DLG2: variants seen among roughly 807,000 people sequenced by gnomAD.
The protein encoded by DLG2 is disks large homolog 2.
DLG2 carries 45 observed loss-of-function variants against 132.5 expected under a neutral mutation model. The observed-to-expected ratio is 0.34, with a 90% CI of 0.27 to 0.44. The LOEUF is 0.44. Among genes scored for constraint, DLG2 ranks in the 20% least tolerant of loss-of-function variants. The pLI is 1.00. For synonymous variants in DLG2, 424 were observed against 419.6 expected, an observed-to-expected ratio of 1.01 and a Z score of -0.13; for missense variants, 1,045 against 1,196.9, an observed-to-expected ratio of 0.87 and a Z score of 1.87.
intron 6 of DLG2, among the ~76,000 whole-genome samples, chr11:84,571,691 C>A (rs537862560): frequency 1.2e-4 from 19 of 152,058 alleles, no homozygotes; most frequent in African/African-American, 4.6e-4. Flanking sequence ...TAAAAAGTTG[C>A]CAAATTCTAG....
intron 22 of DLG2, 30 bp from the exon 23 acceptor site, chr11:83,472,807 G>T: frequency 1.3e-6 from 2 of 1,588,032 alleles, no homozygotes; most frequent in South Asian, 1.1e-5. Context: ...AAACCACAGT[G>T]AACTAACAGT....
chr11:83,604,868 G>A (rs1352538320), intron 19 of DLG2, among the ~76,000 whole-genome samples: 1 of 152,126 alleles, frequency 6.6e-6, no homozygotes, highest in African/African-American at 2.4e-5. Context: ...AATTCAAAGG[G>A]TGTTAAATGA....
intron 17 of DLG2, among the ~76,000 whole-genome samples, chr11:83,801,143 C>A (rs1430643128): frequency 6.6e-6 from 1 of 152,042 alleles, no homozygotes; most frequent in Non-Finnish European, 1.5e-5. Flanking sequence ...CATTTCTTAC[C>A]CTCCCACCTC....
rs1170167908 is a variant in DLG2 at position 84,012,700 on chromosome 11, C to G, written c.920-32058G>C. Among the ~76,000 whole-genome samples, 3 of 152,074 alleles carry G rather than the reference C, an allele frequency of 2.0e-5. No individual in the cohort carries two copies. In the East Asian group the frequency reaches 5.8e-4, roughly 29 times the overall value. On this transcript the variant is annotated intron_variant, in intron 11 of 27. Transcript: ENST00000376104. ...CCGTAGAGTAGCACATGTGAATAAACAGGAGGAAAGCAGGATCAGTCAGAA... is the reference window on the plus strand; with the variant it reads ...CCGTAGAGTAGCACATGTGAATAAAGAGGAGGAAAGCAGGATCAGTCAGAA...
chr11:85,488,655 A>T (rs564325451), intron 3 of DLG2, among the ~76,000 whole-genome samples: 1 of 152,328 alleles, frequency 6.6e-6, no homozygotes, highest in East Asian at 1.9e-4. Flanking sequence ...AATAAACAAG[A>T]GTATTCCCAG....
At chr11:85,304,986 A>G (rs907179415) in intron 3 of DLG2, among the ~76,000 whole-genome samples, 1 of 152,196 alleles carries the variant, frequency 6.6e-6, no homozygotes, top group Non-Finnish European at 1.5e-5. Flanking sequence ...ATTCAACTCT[A>G]TATTACCAGA....
intron 3 of DLG2, among the ~76,000 whole-genome samples, chr11:85,331,117 A>G (rs1033737920): frequency 2.0e-5 from 3 of 152,140 alleles, no homozygotes; most frequent in Non-Finnish European, 2.9e-5. Context: ...CATTCACTTT[A>G]TTTTTTCCAA....
At chr11:84,624,534 A>G (rs2099618952) in intron 6 of DLG2, among the ~76,000 whole-genome samples, 1 of 152,084 alleles carries the variant, frequency 6.6e-6, no homozygotes, top group Non-Finnish European at 1.5e-5. Flanking sequence ...GTTCTCATAC[A>G]TTAAGCATTT....
At chr11:85,558,278 G>C (rs148637862) in intron 3 of DLG2, among the ~76,000 whole-genome samples, 1 of 151,788 alleles carries the variant, frequency 6.6e-6, no homozygotes, top group African/African-American at 2.4e-5. Context: ...AGTCAGAATG[G>C]CTATTTTTAA....
chr11:83,537,902 G>C (rs1448167986), intron 20 of DLG2, among the ~76,000 whole-genome samples: 3 of 143,654 alleles, frequency 2.1e-5, no homozygotes, highest in African/African-American at 5.2e-5. Flanking sequence ...TCTCAGAAAA[G>C]TGATTCTATG....
chr11:84,396,503 C>G (rs1056177640), intron 7 of DLG2, among the ~76,000 whole-genome samples: 3 of 152,126 alleles, frequency 2.0e-5, no homozygotes, highest in African/African-American at 7.2e-5. Context: ...GAATGAGAAC[C>G]CTTCTACTCA....
At chr11:84,584,481 G>T (rs1248416754) in intron 6 of DLG2, among the ~76,000 whole-genome samples, 1 of 151,182 alleles carries the variant, frequency 6.6e-6, no homozygotes, top group East Asian at 1.9e-4. Flanking sequence ...CAAGTAACTG[G>T]GACTACAGGT....
chr11:83,689,426 C>CT (rs1293383700), intron 18 of DLG2, among the ~76,000 whole-genome samples: 1 of 152,064 alleles, frequency 6.6e-6, no homozygotes, highest in African/African-American at 2.4e-5. Flanking sequence ...GACTAATCAT[C>CT]TTTTTTTATG....
At position 85,454,425 on chromosome 11, in the gene DLG2, A is replaced by G. The variant is rs192700363; in HGVS notation, c.40+144232T>C. Among the ~76,000 whole-genome samples, 21 of 152,186 alleles carry G rather than the reference A, an allele frequency of 1.4e-4. 1 individual carries two copies. Among genetic ancestry groups the G allele is most frequent in the African/African-American group, 4.1e-4 (17 of 41,538 alleles). On this transcript the variant is annotated intron_variant, in intron 3 of 27. Transcript: ENST00000376104. ...TGATCATGTTCTGTATCGATTTTGC[A>G]TATTGCACCTTTGTCAGATACATAG...
chr11:85,493,378 C>G (rs1343892304), intron 3 of DLG2, among the ~76,000 whole-genome samples: 1 of 152,146 alleles, frequency 6.6e-6, no homozygotes, highest in Non-Finnish European at 1.5e-5. Flanking sequence ...AAGCCTTACT[C>G]CTCATTTCAC....
At chr11:83,991,507 C>A (rs773262108) in intron 11 of DLG2, among the ~76,000 whole-genome samples, 1 of 152,082 alleles carries the variant, frequency 6.6e-6, no homozygotes. Context: ...TTCCCCTGCA[C>A]GTTAGGGCTT....
At chr11:85,308,492 T>G (rs552658114) in intron 3 of DLG2, among the ~76,000 whole-genome samples, 10 of 152,284 alleles carry the variant, frequency 6.6e-5, no homozygotes, top group African/African-American at 2.4e-4. Flanking sequence ...GGTATTTTTT[T>G]GCCAGTGGTT....
intron 6 of DLG2, among the ~76,000 whole-genome samples, chr11:84,809,884 G>A (rs1421032399): frequency 6.6e-6 from 1 of 151,882 alleles, no homozygotes; most frequent in Non-Finnish European, 1.5e-5. Context: ...TGGGGTCCAA[G>A]GCAAAATGGA....
At chr11:85,305,582 G>A in intron 3 of DLG2, among the ~76,000 whole-genome samples, 1 of 151,954 alleles carries the variant, frequency 6.6e-6, no homozygotes. Context: ...GCGCGATCTC[G>A]GCTCACTGCA....
Sources: allele counts gnomAD v4.1 joint callset (sites outside exome capture counted in the v4.1 genomes callset), GRCh38; gene constraint gnomAD v4.1.1; transcripts MANE v1.5; gene names NCBI Gene and HGNC (gene_info 2026-07-23, HGNC 2026-07-21).